Variants in NRXN3 observed in about 807,000 individuals in gnomAD.
The protein encoded by NRXN3 is neurexin 3.
A neutral mutation model predicts 137.6 loss-of-function variants in NRXN3; 32 were observed. The observed-to-expected ratio is 0.23, with a 90% CI of 0.18 to 0.31. The LOEUF is 0.31. NRXN3 is among the 10% of genes least tolerant of loss of function. The probability of loss-of-function intolerance (pLI) is 1.00; values close to 1 mark genes in which losing one functional copy is unlikely to be tolerated. For synonymous variants in NRXN3, 798 were observed against 784.5 expected, an observed-to-expected ratio of 1.02 and a Z score of -0.29; for missense variants, 1,574 against 2,062.5, an observed-to-expected ratio of 0.76 and a Z score of 4.59.
chr14:79,323,061 G>T (rs113363446), intron 15 of NRXN3, among the ~76,000 whole-genome samples: 1 of 152,256 alleles, frequency 6.6e-6, no homozygotes, highest in African/African-American at 2.4e-5. Flanking sequence ...TTGACACGGG[G>T]TCTAGCTCTG....
At chr14:78,915,944 A>G (rs1156351448) in intron 10 of NRXN3, among the ~76,000 whole-genome samples, 1 of 152,162 alleles carries the variant, frequency 6.6e-6, no homozygotes, top group African/African-American at 2.4e-5. Context: ...CTGTAATTCA[A>G]TACGACTGGT....
At chr14:78,292,858 C>T (rs763315296) in intron 3 of NRXN3, among the ~76,000 whole-genome samples, 1 of 152,146 alleles carries the variant, frequency 6.6e-6, no homozygotes, top group African/African-American at 2.4e-5. Context: ...CCAAAACCAG[C>T]CAGGGTGCTT....
At chr14:78,398,214 CAAAAAA>C (rs55841376) in intron 4 of NRXN3, among the ~76,000 whole-genome samples, 2 of 128,206 alleles carry the variant, frequency 1.6e-5, no homozygotes, top group African/African-American at 2.9e-5. Context: ...AACTCTGTTT[CAAAAAA>C]AAAAAAAAAA....
intron 4 of NRXN3, among the ~76,000 whole-genome samples, chr14:78,321,607 G>C (rs2079378127): frequency 6.6e-6 from 1 of 152,062 alleles, no homozygotes; most frequent in Admixed American, 6.5e-5. Flanking sequence ...TGAGACAGCT[G>C]TTGAAAGCAA....
At chr14:78,724,947 G>T (rs531402656) in intron 8 of NRXN3, among the ~76,000 whole-genome samples, 2 of 152,298 alleles carry the variant, frequency 1.3e-5, no homozygotes, top group African/African-American at 4.8e-5. Flanking sequence ...ACCCCCTTCT[G>T]TGGGCTACTG....
In NRXN3 at chr14:78,304,789, C is replaced by T. The variant is rs1412731036; in HGVS notation, c.757+6929C>T. ...AGGTCATGGTGGGAATCATGGCAAACTGGAGAGTGCAAGTCCCATCAAAGG... is the reference window on the plus strand; with the variant it reads ...AGGTCATGGTGGGAATCATGGCAAATTGGAGAGTGCAAGTCCCATCAAAGG... On this transcript the variant is annotated intron_variant, in intron 4 of 20. Coordinates refer to ENST00000335750, the MANE Select transcript of NRXN3 (RefSeq NM_001330195.2). Among the ~76,000 whole-genome samples the T allele has an allele frequency of 2.0e-5, 3 of 152,152 alleles. No individual in the cohort carries two copies. In the South Asian group the frequency reaches 6.2e-4, roughly 31 times the overall value.
At chr14:78,810,248 GT>G in intron 9 of NRXN3, 69 bp from the exon 10 acceptor site, 8 of 934,814 alleles carry the variant, frequency 8.6e-6, no homozygotes, top group Admixed American at 4.2e-5. Context: ...TGGACTGATT[GT>G]TTTTGGATGT....
chr14:79,538,478 A>G (rs900988668), intron 16 of NRXN3, among the ~76,000 whole-genome samples: 1 of 152,162 alleles, frequency 6.6e-6, no homozygotes, highest in Non-Finnish European at 1.5e-5. Context: ...TAATTTTTGT[A>G]TAAGGTGTAA....
At chr14:79,258,397 G>A (rs2077087431) in intron 15 of NRXN3, among the ~76,000 whole-genome samples, 1 of 151,910 alleles carries the variant, frequency 6.6e-6, no homozygotes, top group Non-Finnish European at 1.5e-5. Flanking sequence ...TAGAGACCAG[G>A]TTTTACCATG....
chr14:79,862,089 G>A lies in NRXN3; in HGVS notation c.*125G>A, dbSNP rs2099414681. 3.7e-6 allele frequency: 3 copies of A among 805,248 alleles called. No homozygotes were observed. The highest frequency in any genetic ancestry group is 5.7e-5 in the Admixed American group (2 of 35,078). 49.9% of individuals were successfully genotyped at this position (805,248 alleles called of 1,614,324 possible). On this transcript the variant is annotated 3_prime_UTR_variant, in exon 21 of 21. Transcript: ENST00000335750. ...ACTATGAAATGGGGTATATAACCAC[G>A]ACTCTGGTGGGGAAAACCGTTTTTT... is the stretch of plus-strand genomic sequence containing the variant.
intron 15 of NRXN3, among the ~76,000 whole-genome samples, chr14:79,430,492 A>G (rs986908198): frequency 6.6e-6 from 1 of 152,220 alleles, no homozygotes; most frequent in Non-Finnish European, 1.5e-5. Flanking sequence ...ACTCAAGGTG[A>G]AAGTTTGGCC....
At chr14:79,813,217 G>C (rs149353918) in intron 20 of NRXN3, among the ~76,000 whole-genome samples, 1 of 152,088 alleles carries the variant, frequency 6.6e-6, no homozygotes, top group African/African-American at 2.4e-5. Flanking sequence ...AAAGCATGTT[G>C]ATTTTTCTTT....
intron 12 of NRXN3, 36 bp downstream of exon 12, chr14:78,966,442 T>C (rs573666794): frequency 1.9e-6 from 3 of 1,578,178 alleles, no homozygotes; most frequent in South Asian, 2.3e-5. Context: ...GTTGGACACC[T>C]TTAATCTACT....
chr14:79,134,449 A>G lies in NRXN3; in HGVS notation c.3262+146308A>G, dbSNP rs547057474. Among the ~76,000 whole-genome samples the G allele has an allele frequency of 3.3e-5, 5 of 152,346 alleles. No homozygotes were observed. The South Asian group carries it at 8.3e-4, about 25-fold the overall frequency. ...TCAGGCAGCAATTTAATTTCAGTTAAAAGAAAGAACAAAGGCATGTCAATG... is the reference window on the plus strand; with the variant it reads ...TCAGGCAGCAATTTAATTTCAGTTAGAAGAAAGAACAAAGGCATGTCAATG... On this transcript the variant is annotated intron_variant, in intron 15 of 20. Transcript: ENST00000335750.
chr14:79,289,435 C>T (rs1025621150), intron 15 of NRXN3, among the ~76,000 whole-genome samples: 8 of 152,080 alleles, frequency 5.3e-5, no homozygotes, highest in South Asian at 2.1e-4. Context: ...GCCTGGCCAA[C>T]GTGGTGAAAC....
At chr14:78,656,449 G>T (rs2097785483) in intron 6 of NRXN3, among the ~76,000 whole-genome samples, 1 of 152,094 alleles carries the variant, frequency 6.6e-6, no homozygotes, top group Non-Finnish European at 1.5e-5. Flanking sequence ...TCTGGTGTCT[G>T]GGTGAAGAAC....
At chr14:79,311,718 G>T (rs1365750409) in intron 15 of NRXN3, among the ~76,000 whole-genome samples, 2 of 91,388 alleles carry the variant, frequency 2.2e-5, no homozygotes, top group African/African-American at 4.1e-5. Context: ...TAGTTTATTT[G>T]CGTAGAGGTG....
chr14:78,782,201 G>A (rs1239797433), intron 8 of NRXN3, among the ~76,000 whole-genome samples: 3 of 152,140 alleles, frequency 2.0e-5, no homozygotes, highest in Non-Finnish European at 4.4e-5. Flanking sequence ...ATTTCCTCTG[G>A]CCCACATGCC....
chr14:78,744,134 G>C (rs1367598500), intron 8 of NRXN3, among the ~76,000 whole-genome samples: 1 of 152,110 alleles, frequency 6.6e-6, no homozygotes, highest in East Asian at 1.9e-4. Flanking sequence ...CTGATATCCT[G>C]CAGGTTTTTT....
Sources: gnomAD v4.1 joint callset for allele counts (sites outside exome capture counted in the v4.1 genomes callset) on GRCh38, gnomAD v4.1.1 for gene constraint, MANE v1.5 for transcripts, NCBI Gene and HGNC (gene_info 2026-07-23, HGNC 2026-07-21) for gene names.